SLC24A4: variants seen among roughly 807,000 people sequenced by gnomAD.
SLC24A4 encodes sodium/potassium/calcium exchanger 4.
In SLC24A4, 53 loss-of-function variants were observed where a neutral mutation model predicts 79.0. The ratio of observed to expected loss-of-function variants is 0.67; its 90% CI spans 0.54 to 0.84. The LOEUF is 0.84. Among genes scored for constraint, SLC24A4 ranks in the 40% least tolerant of loss-of-function variants. The pLI, the probability that SLC24A4 is intolerant of heterozygous loss-of-function variation, is 0.00. For synonymous variants in SLC24A4, 323 were observed against 323.8 expected (o/e 1.00, Z 0.03); for missense variants, 731 against 822.0 (o/e 0.89, Z 1.35).
intron 2 of SLC24A4, among the ~76,000 whole-genome samples, chr14:92,418,732 C>T (rs1891118133): frequency 6.6e-6 from 1 of 152,140 alleles, no homozygotes; most frequent in South Asian, 2.1e-4. Context: ...GACAGAGTCT[C>T]ACTCTATCCC....
chr14:92,366,229 C>T (rs554169754), intron 2 of SLC24A4, among the ~76,000 whole-genome samples: 1 of 152,292 alleles, frequency 6.6e-6, no homozygotes, highest in Admixed American at 6.5e-5. Context: ...GAACCAAAGG[C>T]CAAGCCTCTG....
intron 2 of SLC24A4, among the ~76,000 whole-genome samples, chr14:92,385,442 A>AG (rs1423609915): frequency 6.6e-6 from 1 of 151,470 alleles, no homozygotes. Context: ...GGTTGCAATG[A>AG]GCCTAGACTG....
intron 2 of SLC24A4, among the ~76,000 whole-genome samples, chr14:92,342,367 T>TTAATTAATTAATTA (rs879362080): frequency 0.012 from 1,573 of 135,334 alleles, 33 homozygotes; most frequent in African/African-American, 0.047. Context: ...TTTCCCCATT[T>TTAATTAATTAATTA]ATTTATTTAT....
At chr14:92,403,845 G>A (rs539483379) in intron 2 of SLC24A4, among the ~76,000 whole-genome samples, 10 of 50,968 alleles carry the variant, frequency 2.0e-4, no homozygotes, top group Middle Eastern at 0.012. Context: ...CCCCCACCCT[G>A]GCACATATGC....
chr14:92,480,144 A>AT (rs56249341), intron 12 of SLC24A4, among the ~76,000 whole-genome samples: 134,727 of 148,498 alleles, frequency 0.91, 62,065 homozygotes, highest in Non-Finnish European at 0.99. Flanking sequence ...GATTCTTTGT[A>AT]TTTTTTTTTA....
chr14:92,369,533 G>A (rs555368486), intron 2 of SLC24A4, among the ~76,000 whole-genome samples: 5 of 152,246 alleles, frequency 3.3e-5, no homozygotes, highest in Admixed American at 1.3e-4. Flanking sequence ...ATCCAGAACC[G>A]GAAAAAATAA....
At chr14:92,390,824 C>T (rs184736978) in intron 2 of SLC24A4, among the ~76,000 whole-genome samples, 5 of 152,296 alleles carry the variant, frequency 3.3e-5, no homozygotes, top group Admixed American at 2.0e-4. Flanking sequence ...AGTATTGAAC[C>T]GGATAATGCC....
intron 2 of SLC24A4, among the ~76,000 whole-genome samples, chr14:92,330,526 G>A (rs11160056): frequency 6.6e-6 from 1 of 152,196 alleles, no homozygotes; most frequent in African/African-American, 2.4e-5. Flanking sequence ...CATGTATGAT[G>A]TAGGAATGAG....
At position 92,327,707 on chromosome 14, in the gene SLC24A4, T is replaced by TA. The variant is rs1386383559; in HGVS notation, c.241+1730dup. On this transcript the variant is annotated intron_variant, in intron 2 of 16. Transcript: ENST00000532405. ...TTAGACGGGGATCCCTTTCTTATGA[T>TA]AGAGTTCTCCTTTGCCCCGCTGTGG... 2.6e-5 allele frequency among the ~76,000 whole-genome samples: 4 copies of TA among 152,228 alleles called. No homozygotes were observed. In the East Asian group the frequency reaches 7.7e-4, roughly 29 times the overall value.
Position 92,442,170 on chromosome 14 carries a change from A to G in SLC24A4, c.475A>G (p.Ile159Val). ...AACGCCAGAGCTGTTTGCGTCTGTT[A>G]TTGGTAAGAAATCCCCTCCAGCCTG... ...SSTPELFASV[I>V]GVFITHGDVG... Residue 159 changes from isoleucine (I) to valine (V), a missense_variant, in exon 5 of 17, where the codon ATT (isoleucine) becomes GTT (valine). By Grantham distance (29) the Ile-to-Val change is conservative. Transcript: ENST00000532405. The G allele has an allele frequency of 1.9e-6, 3 of 1,612,952 alleles. No homozygotes were observed. The East Asian group carries it at 6.7e-5, about 36-fold the overall frequency.
intron 2 of SLC24A4, 107 bp from the exon 3 acceptor site, chr14:92,433,805 A>G: frequency 2.2e-6 from 2 of 927,082 alleles, no homozygotes; most frequent in Non-Finnish European, 3.6e-6. Flanking sequence ...GATCAGTCCA[A>G]AGCGAGGTGG....
chr14:92,424,720 A>G (rs1891474514), intron 2 of SLC24A4, among the ~76,000 whole-genome samples: 1 of 151,904 alleles, frequency 6.6e-6, no homozygotes, highest in African/African-American at 2.4e-5. Context: ...AATACCAAAA[A>G]TATATATAAG....
chr14:92,360,975 C>A (rs1412639437), intron 2 of SLC24A4, among the ~76,000 whole-genome samples: 1 of 152,186 alleles, frequency 6.6e-6, no homozygotes, highest in Admixed American at 6.5e-5. Context: ...AGCAGTCAAG[C>A]CTTTTAAATG....
At position 92,500,665 on chromosome 14, in the gene SLC24A4, A is replaced by AACTGTGGCTGAGCC. The variant is rs1426003587; in HGVS notation, c.*7046_*7059dup. On this transcript the variant is annotated 3_prime_UTR_variant, in exon 17 of 17. Transcript: ENST00000532405. ...GGGGACCTGGAGACCCTGCGGACAG[A>AACTGTGGCTGAGCC]ACTGTGGCTGAGCCACTGTGGCCAA... The AACTGTGGCTGAGCC allele has an allele frequency of 6.6e-6, 1 of 152,422 alleles. No homozygotes were observed. The allele number at this position is 152,422 out of a possible 1,614,324, so 9.4% of individuals were successfully genotyped here. A position where few individuals can be genotyped will look rare whatever the true frequency, so the allele number is the denominator to read the frequency against.
chr14:92,491,539 G>A, intron 14 of SLC24A4, 126 bp from the exon 15 acceptor site: 1 of 680,450 alleles, frequency 1.5e-6, no homozygotes, highest in Non-Finnish European at 2.6e-6. Flanking sequence ...AAAAGGTTTA[G>A]AAATGTAAGG....
intron 2 of SLC24A4, among the ~76,000 whole-genome samples, chr14:92,363,980 C>G (rs1335038175): frequency 6.6e-6 from 1 of 152,222 alleles, no homozygotes; most frequent in East Asian, 1.9e-4. Flanking sequence ...TGTGGCACCT[C>G]CAGATGCTTG....
chr14:92,334,678 G>C (rs1445646815), intron 2 of SLC24A4, among the ~76,000 whole-genome samples: 2 of 152,166 alleles, frequency 1.3e-5, no homozygotes, highest in East Asian at 1.9e-4. Flanking sequence ...GCAGACGTGA[G>C]GGTTTGAGTC....
chr14:92,395,628 T>C (rs1889729770), intron 2 of SLC24A4, among the ~76,000 whole-genome samples: 1 of 152,138 alleles, frequency 6.6e-6, no homozygotes, highest in Non-Finnish European at 1.5e-5. Context: ...AGGGAGTTTC[T>C]AGAGTGTGAG....
At chr14:92,412,798 A>G (rs897618671) in intron 2 of SLC24A4, among the ~76,000 whole-genome samples, 21 of 152,220 alleles carry the variant, frequency 1.4e-4, no homozygotes, top group East Asian at 7.7e-4. Flanking sequence ...TGATGTTTCT[A>G]AAGTAAGGGC....
Sources: allele counts gnomAD v4.1 joint callset (sites outside exome capture counted in the v4.1 genomes callset), GRCh38; gene constraint gnomAD v4.1.1; transcripts MANE v1.5; gene names NCBI Gene and HGNC (gene_info 2026-07-23, HGNC 2026-07-21).